PODNL1: variants seen among roughly 807,000 people sequenced by gnomAD.
PODNL1 encodes the protein podocan-like protein 1.
In PODNL1, 50 loss-of-function variants were observed where a neutral mutation model predicts 45.1. The observed-to-expected ratio is 1.11, with a 90% CI of 0.88 to 1.40. The LOEUF (loss-of-function observed/expected upper bound fraction) is 1.40, where lower values mean the gene tolerates loss of function less well. Ranked by LOEUF, PODNL1 falls within the 40% of genes most tolerant of loss-of-function variation. The probability of loss-of-function intolerance (pLI) is 0.00; values close to 1 mark genes in which losing one functional copy is unlikely to be tolerated. For missense variants in PODNL1, 788 were observed against 793.3 expected, an observed-to-expected ratio of 0.99 and a Z score of 0.08; for synonymous variants, 406 against 372.5, an observed-to-expected ratio of 1.09 and a Z score of -1.04.
intron 1 of PODNL1, chr19:13,953,054 T>C (rs751258595): frequency 3.2e-6 from 5 of 1,539,768 alleles, no homozygotes; most frequent in Middle Eastern, 1.7e-4. Context: ...GCTTTGGGCT[T>C]CCTCCGCCTG....
At chr19:13,942,726 G>C (rs1229819943), upstream of PODNL1, among the ~76,000 whole-genome samples, 5 of 152,166 alleles carry the variant, frequency 3.3e-5, no homozygotes, top group African/African-American at 1.2e-4. Context: ...GCTCACACCT[G>C]TAATCCCAGC....
Position 13,931,829 on chromosome 19 carries a change from G to A in PODNL1, c.1633C>T (p.Leu545=). ...AAEAFLGLPN[L]RVVDTAGNPE... ...TTCCCTGCCGTGTCCACCACACGCA[G>A]GTTTGGGAGCCCCAGGAAGGCCTCA... Residue 545 remains leucine, a synonymous_variant, in exon 10 of 10, where the codon CTG becomes TTG. Coordinates refer to ENST00000588872, the MANE Select transcript of PODNL1 (RefSeq NM_001370095.3). 8.1e-7 allele frequency: 1 copy of A among 1,231,986 alleles called. No individual in the cohort carries two copies. The highest frequency in any genetic ancestry group is 1.0e-6 in the Non-Finnish European group (1 of 987,948). 76.3% of individuals were successfully genotyped at this position (1,231,986 alleles called of 1,614,324 possible). A position where few individuals can be genotyped will look rare whatever the true frequency, so the allele number is the denominator to read the frequency against.
At chr19:13,948,742 G>T (rs1428117467) in intron 1 of PODNL1, among the ~76,000 whole-genome samples, 1 of 129,216 alleles carries the variant, frequency 7.7e-6, no homozygotes, top group African/African-American at 3.0e-5. Context: ...CATCCTGACC[G>T]TCCTGGCTAA....
chr19:13,938,430 C>T (rs1972528217), upstream of PODNL1: 2 of 1,302,494 alleles, frequency 1.5e-6, no homozygotes, highest in African/African-American at 1.5e-5. Flanking sequence ...CCCCTTGGTC[C>T]CCCCCAACAA....
chr19:13,938,116 G>A (rs1024537740), intron 1 of PODNL1, 63 bp downstream of exon 1: 2 of 1,522,116 alleles, frequency 1.3e-6, no homozygotes, highest in Non-Finnish European at 1.8e-6. Context: ...GTGGCCAGTT[G>A]GCAGAGCAGG....
Position 13,931,995 on chromosome 19 carries a change from T to C in PODNL1, c.1543A>G (p.Ser515Gly). Residue 515 changes from serine (S) to glycine (G), a missense_variant, in exon 9 of 10, where the codon AGC (serine) becomes GGC (glycine). Physicochemically the swap from Ser to Gly is moderately conservative, Grantham distance 56. Coordinates refer to ENST00000588872, the MANE Select transcript of PODNL1 (RefSeq NM_001370095.3). Reference sequence around the variant, plus strand: ...AAGAGGGCACGCAGGCGGGGTGTGCTGAGGAAGGCCTCGGGGCCCACGTGG... The same window carrying C: ...AAGAGGGCACGCAGGCGGGGTGTGCCGAGGAAGGCCTCGGGGCCCACGTGG... The part of the protein sequence containing the change: ...IGHVGPEAFL[S>G]TPRLRALFLR... 4.1e-6 allele frequency: 5 copies of C among 1,232,122 alleles called. No homozygotes were observed. Among genetic ancestry groups the C allele is most frequent in the African/African-American group, 1.6e-5 (1 of 64,510 alleles). The allele number at this position is 1,232,122 out of a possible 1,614,324, so 76.3% of individuals were successfully genotyped here.
intron 1 of PODNL1, among the ~76,000 whole-genome samples, chr19:13,950,199 GCT>G (rs1444664556): frequency 6.6e-6 from 1 of 151,424 alleles, no homozygotes; most frequent in Non-Finnish European, 1.5e-5. Context: ...ACAAGGTCTC[GCT>G]CTGTCTCCCA....
rs1307821038 is a variant in PODNL1, at chr19:13,932,951, CA to C, written c.1271del (p.Leu424ArgfsTer72). On this transcript the variant is annotated frameshift_variant, in exon 8 of 10. Coordinates refer to ENST00000588872, the MANE Select transcript of PODNL1 (RefSeq NM_001370095.3). LOFTEE classifies it high-confidence loss of function. ...GGTTGCGTTGCAGCTGCAGGGTGCG[CA>C]GGCCAGTGGGCAGGCCCATGGGCAG... Reference protein sequence around the residue: ...TRLPMGLPTGLRTLQLQRNQL... With the variant: ...TRLPMGLPTGXRTLQLQRNQL... 1 of 1,561,418 alleles carries C rather than the reference CA, an allele frequency of 6.4e-7. No individual in the cohort carries two copies. The highest frequency in any genetic ancestry group is 1.2e-5 in the South Asian group (1 of 86,448).
intron 2 of PODNL1, 24 bp from the exon 3 acceptor site, chr19:13,936,484 T>G: frequency 1.3e-6 from 2 of 1,584,182 alleles, no homozygotes; most frequent in Non-Finnish European, 1.7e-6. Context: ...GTTGGGGTGT[T>G]CACACCCGTG....
At chr19:13,941,900 CTTCATGGGGTGAGACAG>C (rs1284056833), upstream of PODNL1, among the ~76,000 whole-genome samples, 2 of 152,152 alleles carry the variant, frequency 1.3e-5, no homozygotes, top group Non-Finnish European at 2.9e-5. Flanking sequence ...GAGGGTCTCT[CTTCATGGGGTGAGACAG>C]GAGACGGGTC....
chr19:13,944,765 T>G (rs1249643308), intron 1 of PODNL1, among the ~76,000 whole-genome samples: 1 of 147,936 alleles, frequency 6.8e-6, no homozygotes, highest in Non-Finnish European at 1.5e-5. Flanking sequence ...TGTTTGGGGT[T>G]TTTTTTTTGT....
At chr19:13,937,734 C>A in intron 2 of PODNL1, 51 bp downstream of exon 2, 4 of 1,515,070 alleles carry the variant, frequency 2.6e-6, no homozygotes, top group Non-Finnish European at 3.6e-6. Flanking sequence ...CAGCTCCCCT[C>A]ACCACTGGGT....
At chr19:13,940,789 C>A (rs968564659), upstream of PODNL1, among the ~76,000 whole-genome samples, 1 of 152,088 alleles carries the variant, frequency 6.6e-6, no homozygotes. Context: ...GAGGCTGAGG[C>A]AGGAAAATGG....
rs2145440877 is a variant in PODNL1 at position 13,937,987 on chromosome 19, A to G, written c.23T>C (p.Leu8Pro). 4 of 1,537,450 alleles carry G rather than the reference A, an allele frequency of 2.6e-6. No individual in the cohort carries two copies. The highest frequency in any genetic ancestry group is 4.9e-5 in the East Asian group (2 of 40,624). The change falls in exon 2 of 10, where the codon CTC becomes CCC. Residue 8 changes from leucine to proline, a missense_variant. Coordinates refer to ENST00000588872, the MANE Select transcript of PODNL1 (RefSeq NM_001370095.3). MWPSLLL[L>P]LLLPGPPPVA... is the part of the protein sequence containing the mutation. ...GGGCGGGGGCCCCGGCAACAGCAGG[A>G]GCAGCAGCAGGCTCGGCCACTGCGG...
At chr19:13,953,103 C>G (rs1233694160) in intron 1 of PODNL1, 1 of 1,550,660 alleles carries the variant, frequency 6.4e-7, no homozygotes, top group East Asian at 2.5e-5. Context: ...CACACATGAG[C>G]TGGGAGTTCC....
At chr19:13,939,569 T>G (rs1972581103), upstream of PODNL1, among the ~76,000 whole-genome samples, 2 of 151,968 alleles carry the variant, frequency 1.3e-5, no homozygotes, top group Admixed American at 1.3e-4. Context: ...AGTGAGACCC[T>G]GTCTCTAAAA....
At chr19:13,949,147 AC>A (rs1972922060) in intron 1 of PODNL1, 1 of 151,856 alleles carries the variant, frequency 6.6e-6, no homozygotes, top group African/African-American at 2.4e-5. Flanking sequence ...TTTAGTAGAG[AC>A]AGCATTTCAC....
intron 5 of PODNL1, 110 bp from the exon 6 acceptor site, chr19:13,934,520 TGTGTGTGC>T: frequency 9.1e-7 from 1 of 1,100,340 alleles, no homozygotes. Context: ...TGTGTGTGTG[TGTGTGTGC>T]GCGCGCATGT....
rs563186962 is a variant in PODNL1 at position 13,934,993 on chromosome 19, T to G, written c.495-583A>C. On this transcript the variant is annotated intron_variant, in intron 5 of 9. Coordinates refer to ENST00000588872, the MANE Select transcript of PODNL1 (RefSeq NM_001370095.3). ...GTGTGTGCATGTGATTGCGTGTGCA[T>G]GCATGAGTGTGTGCCTGTGTGCATG... Among the ~76,000 whole-genome samples the G allele has an allele frequency of 2.6e-4, 40 of 152,070 alleles. 1 individual carries two copies. The highest frequency in any genetic ancestry group is 2.4e-3 in the Admixed American group (37 of 15,266).
Sources: gnomAD v4.1 joint callset for allele counts (sites outside exome capture counted in the v4.1 genomes callset) on GRCh38, gnomAD v4.1.1 for gene constraint, MANE v1.5 for transcripts, NCBI Gene and HGNC (gene_info 2026-07-23, HGNC 2026-07-21) for gene names.